Variants in PRRC2B observed in about 807,000 individuals in gnomAD.
The protein encoded by PRRC2B is protein PRRC2B.
A neutral mutation model predicts 242.3 loss-of-function variants in PRRC2B; 68 were observed. That is an observed-to-expected ratio of 0.28 (90% CI 0.23 to 0.34). The LOEUF is 0.34. Ranked by LOEUF, PRRC2B falls within the 10% of genes least tolerant of loss-of-function variation. The probability of loss-of-function intolerance (pLI) is 1.00; values close to 1 mark genes in which losing one functional copy is unlikely to be tolerated. For missense variants in PRRC2B, 2,835 were observed against 2,954.8 expected (o/e 0.96, Z 0.94); for synonymous variants, 1,228 against 1,173.6 (o/e 1.05, Z -0.95).
At chr9:131,431,744 T>A (rs10793869) in intron 2 of PRRC2B, among the ~76,000 whole-genome samples, 14 of 151,868 alleles carry the variant, frequency 9.2e-5, no homozygotes, top group Admixed American at 4.6e-4. Flanking sequence ...CCGCCATCAC[T>A]CCCGGCTAAT....
intron 2 of PRRC2B, among the ~76,000 whole-genome samples, chr9:131,431,231 C>T (rs941477456): frequency 2.0e-5 from 3 of 151,846 alleles, no homozygotes; most frequent in Non-Finnish European, 2.9e-5. Context: ...CCCGGGTTCA[C>T]GCCATTCTCC....
chr9:131,479,716 T>A (rs559639912), intron 19 of PRRC2B, among the ~76,000 whole-genome samples: 1 of 152,284 alleles, frequency 6.6e-6, no homozygotes, highest in Admixed American at 6.5e-5. Flanking sequence ...TTGGTCGTCG[T>A]TTTCTCCCAC....
intron 1 of PRRC2B, among the ~76,000 whole-genome samples, chr9:131,375,263 G>T (rs552819706): frequency 6.6e-6 from 1 of 152,242 alleles, no homozygotes; most frequent in South Asian, 2.1e-4. Context: ...GCCGGGCATG[G>T]TGGTGCATAC....
At position 131,474,857 on chromosome 9, in the gene PRRC2B, A is replaced by G. The variant is rs755939409; in HGVS notation, c.2728A>G (p.Lys910Glu). 5.6e-6 allele frequency: 9 copies of G among 1,609,080 alleles called. No homozygotes were observed. In the East Asian group the frequency reaches 1.3e-4, roughly 24 times the overall value. Residue 910 changes from lysine (K) to glutamate (E), a missense_variant, in exon 16 of 32, where the codon AAA (lysine) becomes GAA (glutamate). Lys to Glu is a moderately conservative substitution (Grantham distance 56). This residue lies in a region of PRRC2B where 1,536 missense variants were observed against 1,483.1 expected (regional missense o/e 1.04). Transcript: ENST00000683519. ...SSWDKNGSPN[K>E]QPSSEPEWTP... Reference sequence around the variant, plus strand: ...CTGGGACAAGAACGGGAGCCCCAACAAACAGCCATCCTCGGAGCCTGAATG... The same window carrying G: ...CTGGGACAAGAACGGGAGCCCCAACGAACAGCCATCCTCGGAGCCTGAATG...
chr9:131,449,984 A>G (rs931747356), intron 9 of PRRC2B, among the ~76,000 whole-genome samples: 2 of 152,154 alleles, frequency 1.3e-5, no homozygotes, highest in Admixed American at 6.5e-5. Flanking sequence ...CACTTTCCCT[A>G]TCGAATTGCT....
rs764712604 is a variant in PRRC2B at position 131,474,581 on chromosome 9, A to G, written c.2452A>G (p.Ser818Gly). 6 of 1,613,906 alleles carry G rather than the reference A, an allele frequency of 3.7e-6. No homozygotes were observed. The highest frequency in any genetic ancestry group is 1.1e-5 in the South Asian group (1 of 91,088). ...FDKKAQADFD[S>G]CISSQRIGQE... ...CAAGAAGGCCCAAGCAGACTTTGAC[A>G]GCTGTATCTCTTCTCAAAGAATAGG... The change falls in exon 16 of 32, where the codon AGC becomes GGC. Residue 818 changes from serine to glycine, a missense_variant. Physicochemically the swap from Ser to Gly is moderately conservative, Grantham distance 56. Around this residue, in one of 7 missense-constraint regions of PRRC2B, gnomAD observed 1,536 missense variants for 1,483.1 expected, o/e 1.04. Coordinates refer to ENST00000683519, the MANE Select transcript of PRRC2B (RefSeq NM_013318.4).
chr9:131,432,023 G>T (rs1169306638), intron 2 of PRRC2B, among the ~76,000 whole-genome samples: 2 of 150,452 alleles, frequency 1.3e-5, no homozygotes, highest in African/African-American at 4.9e-5. Context: ...CGAACTCCTG[G>T]GCTCAAGCGA....
rs1944344116 is a variant in PRRC2B at position 131,496,650 on chromosome 9, C to G, written c.*776C>G. On this transcript the variant is annotated 3_prime_UTR_variant, in exon 32 of 32. Transcript: ENST00000683519. Reference sequence around the variant, plus strand: ...GGAGGGGGGGGGTCATAGTTGGGTTCCAGCTCCTGGCTTGATGAGCCCAGG... The same window carrying G: ...GGAGGGGGGGGGTCATAGTTGGGTTGCAGCTCCTGGCTTGATGAGCCCAGG... 1 of 151,600 alleles carries G rather than the reference C, an allele frequency of 6.6e-6. No homozygotes were observed. The highest frequency in any genetic ancestry group is 2.1e-4 in the South Asian group (1 of 4,822). The allele number at this position is 151,600 out of a possible 1,614,324, so 9.4% of individuals were successfully genotyped here.
chr9:131,458,689 G>T (rs1347287197), intron 10 of PRRC2B, among the ~76,000 whole-genome samples: 1 of 152,100 alleles, frequency 6.6e-6, no homozygotes. Flanking sequence ...TTTTAGTAGA[G>T]ACTTGGTTTC....
At chr9:131,439,150 C>T (rs1397177725) in intron 5 of PRRC2B, 89 bp downstream of exon 5, 11 of 1,126,968 alleles carry the variant, frequency 9.8e-6, no homozygotes, top group Non-Finnish European at 1.4e-5. Context: ...GTCTAGGCAC[C>T]CAGAAGCTTT....
In PRRC2B at chr9:131,482,476, A is replaced by C; in HGVS notation, c.5089A>C (p.Lys1697Gln). Residue 1697 changes from lysine (K) to glutamine (Q), a missense_variant, in exon 21 of 32, where the codon AAG becomes CAG. This residue lies in a region of PRRC2B where 38 missense variants were observed against 73.3 expected (regional missense o/e 0.52). Transcript: ENST00000683519. This position sits in a 1 kb window ranked among gnomAD's most constrained non-coding sequence, Gnocchi z 5.2. ...GCGCAGCTCCCCATATGGGACTCTG[A>C]AGCCAGAGGAGATGAGCGGGCCCGG... ...SQRSSPYGTLKPEEMSGPGLA... is the reference protein window; with the variant it reads ...SQRSSPYGTLQPEEMSGPGLA... 1 of 1,612,150 alleles carries C rather than the reference A, an allele frequency of 6.2e-7. No homozygotes were observed. Among genetic ancestry groups the C allele is most frequent in the South Asian group, 1.1e-5 (1 of 91,052 alleles).
In PRRC2B at chr9:131,492,249, A is replaced by T. The variant is rs376770973; in HGVS notation, c.6462A>T (p.Pro2154=). 11 of 1,613,538 alleles carry T rather than the reference A, an allele frequency of 6.8e-6. No individual in the cohort carries two copies. The highest frequency in any genetic ancestry group is 6.8e-6 in the Non-Finnish European group (8 of 1,179,674). ...NVPSGGPVPS[P]QTYRPSSASP... is the part of the protein sequence containing the mutation. ...CTTCAGGAGGCCCCGTGCCATCGCCACAGACCTACAGGTAAAGCCACTCCC... is the reference window on the plus strand; with the variant it reads ...CTTCAGGAGGCCCCGTGCCATCGCCTCAGACCTACAGGTAAAGCCACTCCC... Residue 2154 remains proline (P), a synonymous_variant, in exon 30 of 32, where the codon CCA becomes CCT. Transcript: ENST00000683519.
chr9:131,457,720 G>A (rs962772861), intron 10 of PRRC2B, among the ~76,000 whole-genome samples: 1 of 151,918 alleles, frequency 6.6e-6, no homozygotes, highest in African/African-American at 2.4e-5. Context: ...TCCATGGCCC[G>A]TCCTTGACAC....
At chr9:131,425,654 A>AT (rs576446282) in intron 1 of PRRC2B, among the ~76,000 whole-genome samples, 248 of 150,334 alleles carry the variant, frequency 1.6e-3, no homozygotes, top group African/African-American at 5.5e-3. Flanking sequence ...CGCCAGGCTC[A>AT]TTTTTTTTGT....
intron 1 of PRRC2B, among the ~76,000 whole-genome samples, chr9:131,427,344 T>TG (rs58159283): frequency 0.11 from 16,824 of 151,172 alleles, 1,110 homozygotes; most frequent in Admixed American, 0.16. Context: ...TGTGTGTGTG[T>TG]TTTTTTGATG....
chr9:131,470,223 G>C (rs1013918870), intron 13 of PRRC2B, among the ~76,000 whole-genome samples: 1 of 152,304 alleles, frequency 6.6e-6, no homozygotes, highest in Non-Finnish European at 1.5e-5. Flanking sequence ...CTGTAACACC[G>C]TAGGTCACGA....
intron 11 of PRRC2B, among the ~76,000 whole-genome samples, chr9:131,461,256 G>C: frequency 6.6e-6 from 1 of 152,300 alleles, no homozygotes; most frequent in South Asian, 2.1e-4. Context: ...ACTCCTGGAT[G>C]CCCTGAATGT....
At chr9:131,433,745 C>G (rs1838253454) in intron 3 of PRRC2B, among the ~76,000 whole-genome samples, 1 of 152,164 alleles carries the variant, frequency 6.6e-6, no homozygotes, top group Non-Finnish European at 1.5e-5. Context: ...TCTCAGCCTG[C>G]TGACCCCAGC....
At chr9:131,464,697 TG>T in intron 11 of PRRC2B, 65 bp from the exon 12 acceptor site, 1 of 1,401,984 alleles carries the variant, frequency 7.1e-7, no homozygotes, top group Non-Finnish European at 9.6e-7. Context: ...GATCCCAAAG[TG>T]GGAGTGGTTC....
Sources: allele counts gnomAD v4.1 joint callset (sites outside exome capture counted in the v4.1 genomes callset), GRCh38; gene constraint gnomAD v4.1.1; regional missense constraint gnomAD v4.1.1; non-coding constraint Gnocchi (gnomAD v3.1); transcripts MANE v1.5; gene names NCBI Gene and HGNC (gene_info 2026-07-23, HGNC 2026-07-21).